Variants in EXT2 observed in about 807,000 individuals in gnomAD.
EXT2 encodes the protein exostosin-2.
A neutral mutation model predicts 81.6 loss-of-function variants in EXT2; 53 were observed. The observed-to-expected ratio is 0.65, with a 90% CI of 0.52 to 0.82. The LOEUF (loss-of-function observed/expected upper bound fraction) is 0.82, where lower values mean the gene tolerates loss of function less well. Ranked by LOEUF, EXT2 falls within the 40% of genes least tolerant of loss-of-function variation. The pLI is 0.00. For synonymous variants in EXT2, 320 were observed against 340.0 expected (o/e 0.94, Z 0.65); for missense variants, 774 against 910.2 (o/e 0.85, Z 1.93).
intron 8 of EXT2, among the ~76,000 whole-genome samples, chr11:44,188,034 G>T (rs1025299469): frequency 6.6e-6 from 1 of 152,270 alleles, no homozygotes; most frequent in African/African-American, 2.4e-5. Flanking sequence ...AAAGACTTCT[G>T]TCCCTGGCTT....
In EXT2 at chr11:44,247,196, T is replaced by C. The variant is rs1956101578; in HGVS notation, c.*2909T>C. The stretch of plus-strand genomic sequence containing the variant: ...TTAAAGAGAAAAACAGCAACTTTAG[T>C]TGTCAGAATCTTGTGTTCTTTCCTG... On this transcript the variant is annotated 3_prime_UTR_variant, in exon 14 of 14. Coordinates refer to ENST00000533608, the MANE Select transcript of EXT2 (RefSeq NM_207122.2). 6.6e-6 allele frequency among the ~76,000 whole-genome samples: 1 copy of C among 152,178 alleles called. No homozygotes were observed. The highest frequency in any genetic ancestry group is 1.5e-5 in the Non-Finnish European group (1 of 68,030).
At chr11:44,113,603 G>C (rs1213826713) in intron 3 of EXT2, among the ~76,000 whole-genome samples, 1 of 152,212 alleles carries the variant, frequency 6.6e-6, no homozygotes, top group African/African-American at 2.4e-5. Flanking sequence ...TAAGTAGCTG[G>C]AATGGACAGT....
At chr11:44,223,596 A>G (rs1955805036) in intron 10 of EXT2, among the ~76,000 whole-genome samples, 1 of 151,570 alleles carries the variant, frequency 6.6e-6, no homozygotes, top group African/African-American at 2.4e-5. Flanking sequence ...ATAGAAATGG[A>G]GGACAGATGG....
intron 1 of EXT2, among the ~76,000 whole-genome samples, chr11:44,102,007 T>A (rs1274375730): frequency 6.6e-6 from 1 of 151,204 alleles, no homozygotes; most frequent in African/African-American, 2.4e-5. Flanking sequence ...GCTGCTACAA[T>A]GGAGAAAAAT....
chr11:44,209,167 TCCC>T (rs1023265647), intron 10 of EXT2, among the ~76,000 whole-genome samples: 2 of 152,220 alleles, frequency 1.3e-5, no homozygotes, highest in African/African-American at 4.8e-5. Context: ...ACATAGTGCC[TCCC>T]ACATGGAAAG....
chr11:44,233,274 GT>G (rs936105109), intron 11 of EXT2, among the ~76,000 whole-genome samples: 5 of 152,076 alleles, frequency 3.3e-5, no homozygotes, highest in African/African-American at 1.2e-4. Context: ...ATATAAAACT[GT>G]TTTACCATGC....
intron 7 of EXT2, among the ~76,000 whole-genome samples, chr11:44,146,116 C>T (rs1446360212): frequency 1.3e-5 from 2 of 152,220 alleles, no homozygotes; most frequent in Non-Finnish European, 2.9e-5. Flanking sequence ...CTTGCCTCCT[C>T]TTCACGTGTC....
chr11:44,239,606 T>A (rs1411598866), intron 13 of EXT2, among the ~76,000 whole-genome samples: 3 of 151,118 alleles, frequency 2.0e-5, no homozygotes, highest in Non-Finnish European at 4.4e-5. Flanking sequence ...TTGGCCAGGA[T>A]GGTCTTGATC....
intron 3 of EXT2, among the ~76,000 whole-genome samples, chr11:44,113,339 T>C (rs1342518607): frequency 6.6e-6 from 1 of 152,148 alleles, no homozygotes; most frequent in Non-Finnish European, 1.5e-5. Context: ...CTTTGTAGTG[T>C]GTGTTGCCCT....
intron 7 of EXT2, among the ~76,000 whole-genome samples, chr11:44,143,209 C>G (rs543753896): frequency 6.6e-6 from 1 of 152,322 alleles, no homozygotes; most frequent in Non-Finnish European, 1.5e-5. Context: ...GCCTTGGCCT[C>G]CCAGAGTGCT....
At chr11:44,185,066 G>A (rs899111268) in intron 8 of EXT2, among the ~76,000 whole-genome samples, 1 of 152,178 alleles carries the variant, frequency 6.6e-6, no homozygotes, top group Non-Finnish European at 1.5e-5. Context: ...TTGCTTCTGT[G>A]TACTAGTGAG....
chr11:44,207,764 A>C (rs1420578454), intron 10 of EXT2, among the ~76,000 whole-genome samples: 1 of 152,190 alleles, frequency 6.6e-6, no homozygotes, highest in Non-Finnish European at 1.5e-5. Context: ...AATTTTTAAA[A>C]ATGAAGCTAT....
chr11:44,114,344 T>G, intron 4 of EXT2, 43 bp downstream of exon 4: 1 of 1,551,158 alleles, frequency 6.4e-7, no homozygotes, highest in South Asian at 1.1e-5. Context: ...TTACTGAATC[T>G]GTGAGATGTT....
chr11:44,138,349 T>C (rs1306036234), intron 7 of EXT2, among the ~76,000 whole-genome samples: 4 of 152,210 alleles, frequency 2.6e-5, no homozygotes, highest in Non-Finnish European at 5.9e-5. Flanking sequence ...CCTTGTATTT[T>C]ACAAGTGACA....
At chr11:44,233,240 C>T (rs904866350) in intron 11 of EXT2, among the ~76,000 whole-genome samples, 1 of 151,992 alleles carries the variant, frequency 6.6e-6, no homozygotes, top group Non-Finnish European at 1.5e-5. Flanking sequence ...ATTGTTTGTG[C>T]AAATTTACAC....
chr11:44,250,459 G>T lies in EXT2; in HGVS notation c.*6172G>T, dbSNP rs1322605293. 6.6e-6 allele frequency among the ~76,000 whole-genome samples: 1 copy of T among 152,264 alleles called. No individual in the cohort carries two copies. The highest frequency in any genetic ancestry group is 1.5e-5 in the Non-Finnish European group (1 of 68,030). ...CTCTTCCCCTTTTATTAACCAGATC[G>T]TTTACCAGATTGTACCTGGTGATGC... On this transcript the variant is annotated 3_prime_UTR_variant, in exon 14 of 14. Coordinates refer to ENST00000533608, the MANE Select transcript of EXT2 (RefSeq NM_207122.2).
intron 10 of EXT2, among the ~76,000 whole-genome samples, chr11:44,225,382 G>T (rs776326617): frequency 1.3e-5 from 2 of 152,156 alleles, no homozygotes; most frequent in Non-Finnish European, 2.9e-5. Context: ...TCTTTTAATG[G>T]TGTGAGCATA....
chr11:44,226,859 A>AT (rs1955843380), intron 10 of EXT2, among the ~76,000 whole-genome samples: 2 of 152,372 alleles, frequency 1.3e-5, no homozygotes, highest in African/African-American at 2.4e-5. Context: ...ATGGTTAAGG[A>AT]TTGACCAAAC....
chr11:44,176,436 T>C (rs1955159281), intron 8 of EXT2, among the ~76,000 whole-genome samples: 1 of 152,128 alleles, frequency 6.6e-6, no homozygotes, highest in Non-Finnish European at 1.5e-5. Flanking sequence ...AAAGCATAAA[T>C]CAAGGTATAT....
Sources: allele counts gnomAD v4.1 joint callset (sites outside exome capture counted in the v4.1 genomes callset), GRCh38; gene constraint gnomAD v4.1.1; transcripts MANE v1.5; gene names NCBI Gene and HGNC (gene_info 2026-07-23, HGNC 2026-07-21).